LRRC58: variants seen among roughly 807,000 people sequenced by gnomAD.
LRRC58 encodes the protein leucine-rich repeat-containing protein 58.
In LRRC58, 18 loss-of-function variants were observed where a neutral mutation model predicts 30.6. The observed-to-expected ratio is 0.59, with a 90% CI of 0.41 to 0.87. The LOEUF (loss-of-function observed/expected upper bound fraction) is 0.87, where lower values mean the gene tolerates loss of function less well. Among genes scored for constraint, LRRC58 ranks in the 40% least tolerant of loss-of-function variants. The pLI, the probability that LRRC58 is intolerant of heterozygous loss-of-function variation, is 0.00. For synonymous variants in LRRC58, 221 were observed against 206.0 expected, an observed-to-expected ratio of 1.07 and a Z score of -0.62; for missense variants, 420 against 468.4, an observed-to-expected ratio of 0.90 and a Z score of 0.95.
At position 120,326,945 on chromosome 3, in the gene LRRC58, C is replaced by T. The variant is rs1935683824; in HGVS notation, c.*4255G>A. 1 of 152,176 alleles carries T rather than the reference C, an allele frequency of 6.6e-6. No individual in the cohort carries two copies. Among genetic ancestry groups the T allele is most frequent in the African/African-American group, 2.4e-5 (1 of 41,452 alleles). 9.4% of individuals were successfully genotyped at this position (152,176 alleles called of 1,614,324 possible). A position where few individuals can be genotyped will look rare whatever the true frequency, so the allele number is the denominator to read the frequency against. ...GTGAAAAGGTAAACATTAACCAAGG[C>T]TACCTGTTATATCACAAATTCCAGG... On this transcript the variant is annotated 3_prime_UTR_variant, in exon 4 of 4. Transcript: ENST00000295628.
intron 2 of LRRC58, 25 bp from the exon 3 acceptor site, chr3:120,335,164 C>A: frequency 6.3e-7 from 1 of 1,594,448 alleles, no homozygotes; most frequent in South Asian, 1.1e-5. Flanking sequence ...GTAGAAAAAT[C>A]AATGGCAGTA....
chr3:120,349,134 T>C lies in LRRC58; in HGVS notation c.110A>G (p.Glu37Gly). The change falls in exon 1 of 4, where the codon GAG (glutamate) becomes GGG (glycine). Residue 37 changes from glutamate (E) to glycine (G), a missense_variant. Glu to Gly is a moderately conservative substitution (Grantham distance 98). Around this residue, in one of 2 missense-constraint regions of LRRC58, gnomAD observed 266 missense variants for 251.7 expected, o/e 1.06. Transcript: ENST00000295628. The stretch of plus-strand genomic sequence containing the variant: ...CGCCTCCCGCGCCCCGCGCCGCTCC[T>C]CCCCCCGCGCCTCCAGCTCAGACTC... Reference protein sequence around the residue: ...TLESELEARGEERRGAREALL... With the variant: ...TLESELEARGGERRGAREALL... The C allele has an allele frequency of 4.0e-6, 6 of 1,498,124 alleles. No individual in the cohort carries two copies. The highest frequency in any genetic ancestry group is 4.4e-6 in the Non-Finnish European group (5 of 1,132,156). 92.8% of individuals were successfully genotyped at this position (1,498,124 alleles called of 1,614,324 possible).
intron 1 of LRRC58, among the ~76,000 whole-genome samples, chr3:120,348,469 A>G (rs6791815): frequency 0.19 from 28,977 of 152,168 alleles, 3,877 homozygotes; most frequent in African/African-American, 0.36. Flanking sequence ...GTTTCCACTC[A>G]GTTTGGATCA....
rs1480111849 is a variant in LRRC58 at position 120,326,116 on chromosome 3, A to G, written c.*5084T>C. 6.6e-6 allele frequency: 1 copy of G among 152,184 alleles called. No homozygotes were observed. The highest frequency in any genetic ancestry group is 1.5e-5 in the Non-Finnish European group (1 of 68,036). 9.4% of individuals were successfully genotyped at this position (152,184 alleles called of 1,614,324 possible). On this transcript the variant is annotated 3_prime_UTR_variant, in exon 4 of 4. Transcript: ENST00000295628. The stretch of plus-strand genomic sequence containing the variant: ...ATACTTCCTGACCACAACTGAAATC[A>G]TGATACCTTTAAAAAGATACGACTA...
intron 1 of LRRC58, among the ~76,000 whole-genome samples, chr3:120,346,500 TGTGA>T (rs1226777569): frequency 1.3e-5 from 2 of 152,186 alleles, no homozygotes; most frequent in African/African-American, 4.8e-5. Flanking sequence ...ATGGCATCAT[TGTGA>T]GTATTAAAAA....
At position 120,349,012 on chromosome 3, in the gene LRRC58, T is replaced by G. The variant is rs1271027353; in HGVS notation, c.232A>C (p.Asn78His). ...PHLQLLDVSGNALTALGPELL... is the reference protein window; with the variant it reads ...PHLQLLDVSGHALTALGPELL... Reference sequence around the variant, plus strand: ...TCCGGCCCGAGCGCGGTCAACGCGTTGCCGCTCACGTCCAGCAGCTGGAGG... The same window carrying G: ...TCCGGCCCGAGCGCGGTCAACGCGTGGCCGCTCACGTCCAGCAGCTGGAGG... Residue 78 changes from asparagine to histidine, a missense_variant, in exon 1 of 4, where the codon AAC becomes CAC. Physicochemically the swap from Asn to His is moderately conservative, Grantham distance 68 (BLOSUM62 1). Transcript: ENST00000295628. The G allele has an allele frequency of 2.0e-6, 3 of 1,520,434 alleles. No individual in the cohort carries two copies. 94.2% of individuals were successfully genotyped at this position (1,520,434 alleles called of 1,614,324 possible).
intron 1 of LRRC58, among the ~76,000 whole-genome samples, chr3:120,339,620 T>G (rs1935878505): frequency 6.6e-6 from 1 of 152,228 alleles, no homozygotes; most frequent in South Asian, 2.1e-4. Flanking sequence ...GCTGCTCCGT[T>G]ATCTTATTAC....
Position 120,349,349 on chromosome 3 carries a change from G to A in LRRC58, c.-106C>T. ...CGGAACCTGAACCGAGGGCTGAGTC[G>A]GAAGTGGCGCGGGCGGGCGCAAACC... On this transcript the variant is annotated 5_prime_UTR_variant, in exon 1 of 4. Coordinates refer to ENST00000295628, the MANE Select transcript of LRRC58 (RefSeq NM_001099678.2). 1 of 1,196,928 alleles carries A rather than the reference G, an allele frequency of 8.4e-7. No individual in the cohort carries two copies. The highest frequency in any genetic ancestry group is 1.1e-6 in the Non-Finnish European group (1 of 931,674). The allele number at this position is 1,196,928 out of a possible 1,614,324, so 74.1% of individuals were successfully genotyped here. A position where few individuals can be genotyped will look rare whatever the true frequency, so the allele number is the denominator to read the frequency against.
rs865806882 is a variant in LRRC58 at position 120,330,160 on chromosome 3, A to G, written c.*1040T>C. 1 of 152,214 alleles carries G rather than the reference A, an allele frequency of 6.6e-6. No individual in the cohort carries two copies. Among genetic ancestry groups the G allele is most frequent in the South Asian group, 2.1e-4 (1 of 4,826 alleles). The allele number at this position is 152,214 out of a possible 1,614,324, so 9.4% of individuals were successfully genotyped here. ...AGAGAAAGATGGTCCAGTACATGACATGGGTGAGAGTCATATTTTTTCCCT... is the reference window on the plus strand; with the variant it reads ...AGAGAAAGATGGTCCAGTACATGACGTGGGTGAGAGTCATATTTTTTCCCT... On this transcript the variant is annotated 3_prime_UTR_variant, in exon 4 of 4. Coordinates refer to ENST00000295628, the MANE Select transcript of LRRC58 (RefSeq NM_001099678.2).
intron 1 of LRRC58, among the ~76,000 whole-genome samples, chr3:120,337,402 T>A (rs777236226): frequency 2.6e-5 from 4 of 152,234 alleles, no homozygotes; most frequent in African/African-American, 4.8e-5. Context: ...TTTTATGGTT[T>A]TAGACATTTG....
At chr3:120,336,330 A>T (rs559518150) in intron 1 of LRRC58, among the ~76,000 whole-genome samples, 1 of 152,370 alleles carries the variant, frequency 6.6e-6, no homozygotes, top group Non-Finnish European at 1.5e-5. Flanking sequence ...CTGTGACTTC[A>T]GCTGGGCTAT....
At position 120,347,379 on chromosome 3, in the gene LRRC58, CTTTTTTTTTTTTT is replaced by C. The variant is rs796116731; in HGVS notation, c.500+1352_500+1364del. On this transcript the variant is annotated intron_variant, in intron 1 of 3. Coordinates refer to ENST00000295628, the MANE Select transcript of LRRC58 (RefSeq NM_001099678.2). Reference sequence around the variant, plus strand: ...AGTTCTTTTTTCCCAGGCCAATATTCTTTTTTTTTTTTTTTTTTTTTTTGAGACAGAGTCTCGC... The same window carrying C: ...AGTTCTTTTTTCCCAGGCCAATATTCTTTTTTTTTTGAGACAGAGTCTCGC... 8.4e-3 allele frequency among the ~76,000 whole-genome samples: 459 copies of C among 54,870 alleles called. 22 individuals are homozygous for C. Among genetic ancestry groups the C allele is most frequent in the Middle Eastern group, 0.059 (4 of 68 alleles). 36.0% of individuals were successfully genotyped at this position (54,870 alleles called of 152,430 possible). A position where few individuals can be genotyped will look rare whatever the true frequency, so the allele number is the denominator to read the frequency against.
At chr3:120,343,164 T>C (rs966592384) in intron 1 of LRRC58, among the ~76,000 whole-genome samples, 1 of 152,264 alleles carries the variant, frequency 6.6e-6, no homozygotes, top group Non-Finnish European at 1.5e-5. Context: ...TTTGCAATTA[T>C]GTAAATTCTC....
chr3:120,334,820 A>G (rs555374371), intron 3 of LRRC58, 42 bp downstream of exon 3: 14 of 1,528,232 alleles, frequency 9.2e-6, no homozygotes, highest in African/African-American at 2.8e-5. Context: ...AATTTAAAAA[A>G]TAGCTAAATA....
rs1045934931 is a variant in LRRC58 at position 120,326,922 on chromosome 3, G to A, written c.*4278C>T. 2.0e-5 allele frequency: 3 copies of A among 152,116 alleles called. No individual in the cohort carries two copies. The highest frequency in any genetic ancestry group is 2.1e-4 in the South Asian group (1 of 4,820). The allele number at this position is 152,116 out of a possible 1,614,324, so 9.4% of individuals were successfully genotyped here. On this transcript the variant is annotated 3_prime_UTR_variant, in exon 4 of 4. Coordinates refer to ENST00000295628, the MANE Select transcript of LRRC58 (RefSeq NM_001099678.2). ...GTGTGTTTTTTCTTTTTTACATAGT[G>A]AAAAGGTAAACATTAACCAAGGCTA...
intron 1 of LRRC58, among the ~76,000 whole-genome samples, chr3:120,337,263 G>C (rs1457834928): frequency 6.6e-6 from 1 of 152,118 alleles, no homozygotes; most frequent in Non-Finnish European, 1.5e-5. Context: ...CTACAACTTT[G>C]CCAACACCTA....
rs1290575222 is a variant in LRRC58 at position 120,335,795 on chromosome 3, G to C, written c.629+30C>G. On this transcript the variant is annotated intron_variant, in intron 2 of 3. Coordinates refer to ENST00000295628, the MANE Select transcript of LRRC58 (RefSeq NM_001099678.2). ...CAATAATTACTAAGCATAGATGTCT[G>C]CGTATATACAAATGCCTGGAACTAC... The C allele has an allele frequency of 3.2e-6, 5 of 1,580,932 alleles. No homozygotes were observed. In the South Asian group the frequency reaches 5.6e-5, roughly 18 times the overall value.
At position 120,344,909 on chromosome 3, in the gene LRRC58, A is replaced by T. The variant is rs565060141; in HGVS notation, c.500+3835T>A. On this transcript the variant is annotated intron_variant, in intron 1 of 3. Coordinates refer to ENST00000295628, the MANE Select transcript of LRRC58 (RefSeq NM_001099678.2). ...TTTTCAGCATTATGTAACAAAAAAAATTTTGCCCATATACTATAGCCAAAC... is the reference window on the plus strand; with the variant it reads ...TTTTCAGCATTATGTAACAAAAAAATTTTTGCCCATATACTATAGCCAAAC... Among the ~76,000 whole-genome samples, 113 of 152,346 alleles carry T rather than the reference A, an allele frequency of 7.4e-4. 2 individuals carry two copies. Among genetic ancestry groups the T allele is most frequent in the Middle Eastern group, 6.8e-3 (2 of 294 alleles).
At chr3:120,334,329 C>T (rs1035903762) in intron 3 of LRRC58, among the ~76,000 whole-genome samples, 1 of 140,506 alleles carries the variant, frequency 7.1e-6, no homozygotes, top group Non-Finnish European at 1.6e-5. Context: ...AAGGTGAAAC[C>T]CCGTCTCTAC....
Sources: allele counts gnomAD v4.1 joint callset (sites outside exome capture counted in the v4.1 genomes callset), GRCh38; gene constraint gnomAD v4.1.1; regional missense constraint gnomAD v4.1.1; transcripts MANE v1.5; gene names NCBI Gene and HGNC (gene_info 2026-07-23, HGNC 2026-07-21).